Variants in CCT8 observed in about 807,000 individuals in gnomAD.
The protein encoded by CCT8 is T-complex protein 1 subunit theta.
Under a neutral mutation model 65.7 loss-of-function variants are expected in CCT8, and 10 were observed. The observed-to-expected ratio is 0.15, with a 90% CI of 0.09 to 0.26. CCT8 has a LOEUF of 0.26. Among genes scored for constraint, CCT8 ranks in the 10% least tolerant of loss-of-function variants. CCT8 has a pLI of 1.00. For synonymous variants in CCT8, 199 were observed against 221.8 expected (o/e 0.90, Z 0.92); for missense variants, 568 against 669.1 (o/e 0.85, Z 1.67).
Position 29,062,147 on chromosome 21 carries a change from G to A in CCT8, c.1193C>T (p.Thr398Ile). 6.2e-7 allele frequency: 1 copy of A among 1,609,530 alleles called. No homozygotes were observed. Among genetic ancestry groups the A allele is most frequent in the Non-Finnish European group, 8.5e-7 (1 of 1,177,068 alleles). Residue 398 changes from threonine to isoleucine, a missense_variant, in exon 11 of 15, where the codon ACT (threonine) becomes ATT (isoleucine). Transcript: ENST00000286788. ...ACTGACCCTTGTAAGAACTTTGAAAGTATTAACACCATCGTCTACTGCCCT... is the reference window on the plus strand; with the variant it reads ...ACTGACCCTTGTAAGAACTTTGAAAATATTAACACCATCGTCTACTGCCCT... ...IERAVDDGVN[T>I]FKVLTRDKRL... is the part of the protein sequence containing the mutation.
At chr21:29,072,943 G>A (rs2085698624) in intron 1 of CCT8, among the ~76,000 whole-genome samples, 1 of 152,174 alleles carries the variant, frequency 6.6e-6, no homozygotes, top group African/African-American at 2.4e-5. Flanking sequence ...ACCCAAGAAA[G>A]TTACATTTTA....
chr21:29,057,660 GAT>G (rs1288574463), intron 14 of CCT8, among the ~76,000 whole-genome samples: 5 of 58,644 alleles, frequency 8.5e-5, no homozygotes, highest in Non-Finnish European at 2.6e-4. Flanking sequence ...ATATATATAT[GAT>G]ATATGTATCA....
intron 7 of CCT8, among the ~76,000 whole-genome samples, 179 bp from the exon 8 acceptor site, chr21:29,063,709 G>C (rs900412949): frequency 6.6e-6 from 1 of 152,196 alleles, no homozygotes; most frequent in African/African-American, 2.4e-5. Context: ...CTTGCTTCTA[G>C]AACCCCCTGT....
In CCT8 at chr21:29,072,776, A is replaced by G. The variant is rs545303533; in HGVS notation, c.60+755T>C. ...AAATTTATCAATAGTGCAGTAAGAT[A>G]TTTTTTAAAACTATGCTACCGAACT... On this transcript the variant is annotated intron_variant, in intron 1 of 14. Transcript: ENST00000286788. 2.4e-4 allele frequency among the ~76,000 whole-genome samples: 36 copies of G among 152,332 alleles called. No homozygotes were observed. The East Asian group carries it at 4.8e-3, about 20-fold the overall frequency.
At chr21:29,073,149 C>A in intron 1 of CCT8, 1 of 464,528 alleles carries the variant, frequency 2.2e-6, no homozygotes, top group Non-Finnish European at 2.9e-6. Flanking sequence ...ATGTGATAAT[C>A]GACGTCGCAG....
Position 29,067,679 on chromosome 21 carries a change from A to C in CCT8, c.258T>G (p.Ile86Met), listed in dbSNP as rs774639398. 3 of 1,362,138 alleles carry C rather than the reference A, an allele frequency of 2.2e-6. No homozygotes were observed. Among genetic ancestry groups the C allele is most frequent in the Non-Finnish European group, 2.9e-6 (3 of 1,050,526 alleles). The allele number at this position is 1,362,138 out of a possible 1,614,324, so 84.4% of individuals were successfully genotyped here. A position where few individuals can be genotyped will look rare whatever the true frequency, so the allele number is the denominator to read the frequency against. ...GCTCTTGCATATGAGAAGCCATTACAATCATTTTTGCAGCAGGATGCTGTA... is the reference window on the plus strand; with the variant it reads ...GCTCTTGCATATGAGAAGCCATTACCATCATTTTTGCAGCAGGATGCTGTA... ...LEVQHPAAKM[I>M]VMASHMQEQE... The change falls in exon 4 of 15, where the codon ATT (isoleucine) becomes ATG (methionine). Residue 86 changes from isoleucine (I) to methionine (M), a missense_variant. By Grantham distance (10) the Ile-to-Met change is conservative. Coordinates refer to ENST00000286788, the MANE Select transcript of CCT8 (RefSeq NM_006585.4).
intron 7 of CCT8, 49 bp downstream of exon 7, chr21:29,064,919 C>A: frequency 6.4e-7 from 1 of 1,564,092 alleles, no homozygotes; most frequent in Non-Finnish European, 8.8e-7. Context: ...CTCAAACAAT[C>A]TGAAAGTGCA....
chr21:29,069,840 A>C (rs2085662611), intron 2 of CCT8, among the ~76,000 whole-genome samples: 1 of 152,240 alleles, frequency 6.6e-6, no homozygotes, highest in Non-Finnish European at 1.5e-5. Flanking sequence ...AGGCCAAAAT[A>C]ATCTACTTAG....
chr21:29,063,626 C>A, intron 7 of CCT8, 96 bp from the exon 8 acceptor site: 1 of 1,180,316 alleles, frequency 8.5e-7, no homozygotes, highest in Non-Finnish European at 1.2e-6. Flanking sequence ...AAAGGTTTGG[C>A]AAAAAAATAT....
intron 2 of CCT8, 131 bp from the exon 3 acceptor site, chr21:29,069,633 T>C (rs910499675): frequency 2.2e-5 from 12 of 534,498 alleles, no homozygotes; most frequent in Non-Finnish European, 3.9e-5. Context: ...AGAAAACACA[T>C]ACTATCTATT....
intron 7 of CCT8, 29 bp downstream of exon 7, chr21:29,064,939 A>G: frequency 1.2e-6 from 2 of 1,604,364 alleles, no homozygotes; most frequent in Non-Finnish European, 1.7e-6. Flanking sequence ...AACCCCAATT[A>G]TTACTTTTAA....
At chr21:29,069,536 G>A in intron 2 of CCT8, 34 bp from the exon 3 acceptor site, 1 of 1,300,240 alleles carries the variant, frequency 7.7e-7, no homozygotes, top group Non-Finnish European at 1.1e-6. Flanking sequence ...GAAAAAGAAA[G>A]CCATTATTAA....
intron 2 of CCT8, 41 bp downstream of exon 2, chr21:29,070,206 T>C: frequency 8.1e-7 from 1 of 1,241,784 alleles, no homozygotes; most frequent in Non-Finnish European, 1.2e-6. Context: ...GTACACAATA[T>C]TCTACTACTG....
intron 13 of CCT8, 41 bp downstream of exon 13, chr21:29,061,212 C>T (rs2085559221): frequency 6.8e-7 from 1 of 1,477,540 alleles, no homozygotes; most frequent in Non-Finnish European, 9.4e-7. Context: ...GTTGTGCATT[C>T]CCCAAATAAA....
At chr21:29,057,759 T>G (rs191864431) in intron 14 of CCT8, among the ~76,000 whole-genome samples, 3 of 95,976 alleles carry the variant, frequency 3.1e-5, no homozygotes, top group Non-Finnish European at 8.7e-5. Context: ...ATATGTATGA[T>G]ATGAGATATA....
Position 29,061,549 on chromosome 21 carries a change from C to T in CCT8, c.1231G>A (p.Gly411Arg). Residue 411 changes from glycine to arginine, a missense_variant, in exon 12 of 15, where the codon GGA becomes AGA. Gly to Arg is a moderately radical substitution (Grantham distance 125). Coordinates refer to ENST00000286788, the MANE Select transcript of CCT8 (RefSeq NM_006585.4). The stretch of plus-strand genomic sequence containing the variant: ...AATTCAATTTCTGTTGCTCCACCTC[C>T]GGGTACAAGACGTTTATCCTGTATG... ...VLTRDKRLVP[G>R]GGATEIELAK... 1.9e-6 allele frequency: 3 copies of T among 1,613,830 alleles called. No homozygotes were observed. The highest frequency in any genetic ancestry group is 2.5e-6 in the Non-Finnish European group (3 of 1,179,860).
At chr21:29,068,776 ATTT>A (rs1353161219) in intron 3 of CCT8, among the ~76,000 whole-genome samples, 1 of 152,216 alleles carries the variant, frequency 6.6e-6, no homozygotes, top group Non-Finnish European at 1.5e-5. Context: ...AAAATATATT[ATTT>A]AAGAGGTTAG....
chr21:29,067,332 T>C (rs1156337424), intron 4 of CCT8, among the ~76,000 whole-genome samples: 1 of 151,848 alleles, frequency 6.6e-6, no homozygotes, highest in Non-Finnish European at 1.5e-5. Flanking sequence ...TAAAATAAAG[T>C]GGGAAAAAAA....
intron 14 of CCT8, among the ~76,000 whole-genome samples, chr21:29,058,764 T>C (rs952869258): frequency 1.3e-5 from 2 of 151,106 alleles, no homozygotes; most frequent in African/African-American, 4.9e-5. Context: ...GCTAATTTTT[T>C]GTTTTTTTTA....
Sources: gnomAD v4.1 joint callset for allele counts (sites outside exome capture counted in the v4.1 genomes callset) on GRCh38, gnomAD v4.1.1 for gene constraint, MANE v1.5 for transcripts, NCBI Gene and HGNC (gene_info 2026-07-23, HGNC 2026-07-21) for gene names.